The following ACMSD variants were observed in gnomAD, a reference collection of about 807,000 sequenced individuals.
ACMSD encodes 2-amino-3-carboxymuconate-6-semialdehyde decarboxylase.
In ACMSD, 37 loss-of-function variants were observed where a neutral mutation model predicts 45.9. That is an observed-to-expected ratio of 0.81 (90% CI 0.62 to 1.06). The LOEUF is 1.06. Among genes scored for constraint, ACMSD ranks in the 50% least tolerant of loss-of-function variants. ACMSD has a pLI of 0.00. For synonymous variants in ACMSD, 138 were observed against 148.8 expected (o/e 0.93, Z 0.53); for missense variants, 434 against 420.9 (o/e 1.03, Z -0.27).
At chr2:134,869,272 G>A (rs1425823551) in intron 6 of ACMSD, among the ~76,000 whole-genome samples, 1 of 151,982 alleles carries the variant, frequency 6.6e-6, no homozygotes, top group East Asian at 1.9e-4. Flanking sequence ...GAGTGCAGTG[G>A]TGTGATCTCA....
intron 8 of ACMSD, among the ~76,000 whole-genome samples, chr2:134,892,641 G>A (rs1048983655): frequency 2.0e-5 from 3 of 152,014 alleles, no homozygotes; most frequent in Middle Eastern, 3.2e-3. Flanking sequence ...GAAGCCTAGG[G>A]TCAAGGGAGT....
chr2:134,860,077 A>G (rs991304038), intron 3 of ACMSD, among the ~76,000 whole-genome samples: 1 of 152,236 alleles, frequency 6.6e-6, no homozygotes, highest in Non-Finnish European at 1.5e-5. Context: ...AGCCTGGCCA[A>G]CATGGCAAAA....
chr2:134,847,395 TACAGATAGATAGATAG>T (rs376446160), intron 2 of ACMSD, among the ~76,000 whole-genome samples: 3,926 of 143,206 alleles, frequency 0.027, 177 homozygotes, highest in African/African-American at 0.089. Flanking sequence ...TTTTTGGGGA[TACAGATAGATAGATAG>T]ATAGATAGAT....
intron 8 of ACMSD, among the ~76,000 whole-genome samples, chr2:134,897,746 G>C (rs183886144): frequency 6.6e-6 from 1 of 151,976 alleles, no homozygotes; most frequent in Non-Finnish European, 1.5e-5. Flanking sequence ...ACAAGCCTAC[G>C]TATTTTATTG....
chr2:134,855,422 CTTCCT>C (rs1283819250), intron 2 of ACMSD, among the ~76,000 whole-genome samples: 4 of 152,226 alleles, frequency 2.6e-5, no homozygotes, highest in Non-Finnish European at 5.9e-5. Flanking sequence ...AAATTCAACT[CTTCCT>C]GTTTTTTTGC....
At chr2:134,859,135 C>G (rs1042489294) in intron 2 of ACMSD, 126 bp from the exon 3 acceptor site, 8 of 784,226 alleles carry the variant, frequency 1.0e-5, no homozygotes, top group Non-Finnish European at 1.6e-5. Flanking sequence ...CTGATTTCTA[C>G]TTCCACAAGG....
rs528500553 is a variant in ACMSD, at chr2:134,897,985, G to A, written c.850-356G>A. Among the ~76,000 whole-genome samples the A allele has an allele frequency of 2.7e-5, 4 of 149,402 alleles. No homozygotes were observed. The East Asian group carries it at 7.9e-4, about 29-fold the overall frequency. ...GAAAAACTGTGGAATCAATTGCAAT[G>A]TATCATTCTAAGAAAGACAGAATCC... On this transcript the variant is annotated intron_variant, in intron 8 of 9. Coordinates refer to ENST00000356140, the MANE Select transcript of ACMSD (RefSeq NM_138326.3).
intron 8 of ACMSD, among the ~76,000 whole-genome samples, chr2:134,882,436 G>C (rs1214382710): frequency 6.6e-6 from 1 of 152,274 alleles, no homozygotes; most frequent in South Asian, 2.1e-4. Context: ...GGCAGAGTTG[G>C]TGTGACGAGT....
intron 6 of ACMSD, 83 bp from the exon 7 acceptor site, chr2:134,870,882 G>A: frequency 8.2e-7 from 1 of 1,222,100 alleles, no homozygotes; most frequent in Non-Finnish European, 1.2e-6. Context: ...TCTTTGCACT[G>A]ACAATTCCCC....
chr2:134,849,017 A>C (rs1004277981), intron 2 of ACMSD, among the ~76,000 whole-genome samples: 1 of 152,188 alleles, frequency 6.6e-6, no homozygotes, highest in African/African-American at 2.4e-5. Flanking sequence ...AGCTGGCCTC[A>C]AGTCTCTCCG....
At chr2:134,849,843 G>A (rs1403179289) in intron 2 of ACMSD, among the ~76,000 whole-genome samples, 1 of 152,048 alleles carries the variant, frequency 6.6e-6, no homozygotes, top group Non-Finnish European at 1.5e-5. Context: ...TGCCCTGATG[G>A]CAAAGACACC....
intron 2 of ACMSD, among the ~76,000 whole-genome samples, chr2:134,857,490 T>C (rs2104843680): frequency 6.6e-6 from 1 of 152,276 alleles, no homozygotes; most frequent in Middle Eastern, 3.4e-3. Flanking sequence ...CTTTTGCAGA[T>C]TGTTAACATA....
intron 8 of ACMSD, among the ~76,000 whole-genome samples, chr2:134,886,094 G>A (rs1689423639): frequency 1.3e-5 from 2 of 152,016 alleles, no homozygotes; most frequent in South Asian, 4.1e-4. Context: ...AGTATTGACT[G>A]AAGTGGATGA....
In ACMSD at chr2:134,897,119, G is replaced by C. The variant is rs4954194; in HGVS notation, c.850-1222G>C. Among the ~76,000 whole-genome samples, 3,057 of 151,966 alleles carry C rather than the reference G, an allele frequency of 0.02. 224 individuals are homozygous for C. In the East Asian group the frequency reaches 0.29, roughly 14 times the overall value. ...CCCATTGAATTATACACTTTAAAGG[G>C]GGTGAATTTTATGGTATGTGAATTA... On this transcript the variant is annotated intron_variant, in intron 8 of 9. Coordinates refer to ENST00000356140, the MANE Select transcript of ACMSD (RefSeq NM_138326.3).
Position 134,841,956 on chromosome 2 carries a change from T to C in ACMSD, c.57+3217T>C, listed in dbSNP as rs78247721. Among the ~76,000 whole-genome samples, 555 of 152,356 alleles carry C rather than the reference T, an allele frequency of 3.6e-3. 4 individuals are homozygous for C. Among genetic ancestry groups the C allele is most frequent in the African/African-American group, 0.012 (516 of 41,590 alleles). ...CTGGTTTCATCACCCAGGAGGCTCA[T>C]TATTCACCTCATGGAGGTGTGATGT... On this transcript the variant is annotated intron_variant, in intron 1 of 9. Coordinates refer to ENST00000356140, the MANE Select transcript of ACMSD (RefSeq NM_138326.3).
intron 8 of ACMSD, among the ~76,000 whole-genome samples, chr2:134,881,754 G>A (rs779312026): frequency 1.9e-4 from 29 of 152,160 alleles, no homozygotes; most frequent in Admixed American, 1.4e-3. Flanking sequence ...TTCGGAGGCC[G>A]AGATGGGAGG....
rs1015797970 is a variant in ACMSD at position 134,863,251 on chromosome 2, T to C, written c.250-144T>C. ...CTCGGTTGTCTGTGGCCAGCACCTT[T>C]CCCAATCTGTGCCTCTGTTTTCTGA... On this transcript the variant is annotated intron_variant, in intron 4 of 9. Coordinates refer to ENST00000356140, the MANE Select transcript of ACMSD (RefSeq NM_138326.3). The C allele has an allele frequency of 5.1e-5, 51 of 996,622 alleles. 1 individual carries two copies. The highest frequency in any genetic ancestry group is 4.1e-4 in the East Asian group (17 of 41,524). The allele number at this position is 996,622 out of a possible 1,614,324, so 61.7% of individuals were successfully genotyped here. A position where few individuals can be genotyped will look rare whatever the true frequency, so the allele number is the denominator to read the frequency against.
intron 7 of ACMSD, among the ~76,000 whole-genome samples, chr2:134,871,613 C>T (rs534334559): frequency 1.6e-4 from 24 of 150,786 alleles, no homozygotes; most frequent in Admixed American, 1.5e-3. Context: ...ACAAATAGGC[C>T]TATTTCATTC....
rs549109257 is a variant in ACMSD at position 134,867,509 on chromosome 2, C to T, written c.487-70C>T. The T allele has an allele frequency of 2.5e-5, 32 of 1,267,328 alleles. 1 individual carries two copies. The South Asian group carries it at 3.9e-4, about 16-fold the overall frequency. The allele number at this position is 1,267,328 out of a possible 1,614,324, so 78.5% of individuals were successfully genotyped here. A position where few individuals can be genotyped will look rare whatever the true frequency, so the allele number is the denominator to read the frequency against. On this transcript the variant is annotated intron_variant, in intron 5 of 9. Transcript: ENST00000356140. ...TAGACTCAGAGAAAAGCAGTTTCCCCAAAACAGTACCTGGTATCTGCTCAC... is the reference window on the plus strand; with the variant it reads ...TAGACTCAGAGAAAAGCAGTTTCCCTAAAACAGTACCTGGTATCTGCTCAC...
Sources: gnomAD v4.1 joint callset for allele counts (sites outside exome capture counted in the v4.1 genomes callset) on GRCh38, gnomAD v4.1.1 for gene constraint, MANE v1.5 for transcripts, NCBI Gene and HGNC (gene_info 2026-07-23, HGNC 2026-07-21) for gene names.